RNF213: variants seen among roughly 807,000 people sequenced by gnomAD.
RNF213 encodes E3 ubiquitin-protein ligase RNF213.
RNF213 carries 341 observed loss-of-function variants against 514.4 expected under a neutral mutation model. That is an observed-to-expected ratio of 0.66 (90% CI 0.61 to 0.73). The LOEUF is 0.73. Ranked by LOEUF, RNF213 falls within the 30% of genes least tolerant of loss-of-function variation. The pLI is 0.00. For synonymous variants in RNF213, 2,655 were observed against 2,658.2 expected (o/e 1.00, Z 0.04); for missense variants, 5,767 against 6,615.6 (o/e 0.87, Z 4.45).
At position 80,298,361 on chromosome 17, in the gene RNF213, G is replaced by T. The variant is rs763934975; in HGVS notation, c.2053G>T (p.Asp685Tyr). ...YLVNLCQRCM[D>Y]TRTYTWLGAL... The stretch of plus-strand genomic sequence containing the variant: ...GGTGAACCTGTGCCAAAGATGCATG[G>T]ACACAAGGACGTACACCTGGCTGGG... Residue 685 changes from aspartate to tyrosine, a missense_variant, in exon 11 of 68, where the codon GAC becomes TAC. Physicochemically the swap from Asp to Tyr is radical, Grantham distance 160. Transcript: ENST00000582970. The T allele has an allele frequency of 1.2e-6, 2 of 1,614,112 alleles. No homozygotes were observed. The highest frequency in any genetic ancestry group is 8.5e-7 in the Non-Finnish European group (1 of 1,180,036).
chr17:80,396,740 C>T lies in RNF213; in HGVS notation c.*3242C>T, dbSNP rs1240722366. ...GAAAGTGCATTTCCCCCCCACCCCC[C>T]CCCCCCAACCAGAGCAACTTTGGTC... is the stretch of plus-strand genomic sequence containing the variant. On this transcript the variant is annotated 3_prime_UTR_variant, in exon 68 of 68. Coordinates refer to ENST00000582970, the MANE Select transcript of RNF213 (RefSeq NM_001256071.3). 3 of 105,554 alleles carry T rather than the reference C, an allele frequency of 2.8e-5. No individual in the cohort carries two copies. The highest frequency in any genetic ancestry group is 6.8e-5 in the Non-Finnish European group (3 of 43,924). 6.5% of individuals were successfully genotyped at this position (105,554 alleles called of 1,614,324 possible). A position where few individuals can be genotyped will look rare whatever the true frequency, so the allele number is the denominator to read the frequency against.
In RNF213 at chr17:80,306,851, C is replaced by CA. The variant is rs67070144; in HGVS notation, c.2428-260dup. Among the ~76,000 whole-genome samples the CA allele has an allele frequency of 4.0e-3, 420 of 105,418 alleles. 1 individual carries two copies. Among genetic ancestry groups the CA allele is most frequent in the Middle Eastern group, 0.011 (2 of 176 alleles). The allele number at this position is 105,418 out of a possible 152,430, so 69.2% of individuals were successfully genotyped here. A position where few individuals can be genotyped will look rare whatever the true frequency, so the allele number is the denominator to read the frequency against. ...TGGGTGACAGAGCGAGACTCCATCT[C>CA]AAAAAAAAAAAAAAAAAGAAGGCGT... On this transcript the variant is annotated intron_variant, in intron 12 of 67. Transcript: ENST00000582970.
chr17:80,318,820 G>T (rs756562253), intron 16 of RNF213, among the ~76,000 whole-genome samples: 16 of 152,120 alleles, frequency 1.1e-4, no homozygotes, highest in African/African-American at 3.6e-4. Context: ...TGATCCACCC[G>T]CCTCAGCCTC....
In RNF213 at chr17:80,263,766, G is replaced by GC; in HGVS notation, c.90dup (p.Ile31HisfsTer5). On this transcript the variant is annotated frameshift_variant, in exon 2 of 68. Coordinates refer to ENST00000582970, the MANE Select transcript of RNF213 (RefSeq NM_001256071.3). LOFTEE classifies it high-confidence loss of function. This position sits in a 1 kb window ranked among gnomAD's most constrained non-coding sequence, Gnocchi z 4.9. ...GTGCGGAGAGAGGCTGCCTCCTGCA[G>GC]CCCCCATAGCAGGTGAGGCCCAGGG... 1 of 1,614,016 alleles carries GC rather than the reference G, an allele frequency of 6.2e-7. No individual in the cohort carries two copies. Among genetic ancestry groups the GC allele is most frequent in the East Asian group, 2.2e-5 (1 of 44,884 alleles).
intron 38 of RNF213, 32 bp from the exon 39 acceptor site, chr17:80,361,702 C>T: frequency 6.2e-7 from 1 of 1,610,352 alleles, no homozygotes; most frequent in Non-Finnish European, 8.5e-7. Context: ...CTTAGACGCA[C>T]TCCAGGCCGC....
Position 80,378,880 on chromosome 17 carries a change from TAAA to T in RNF213, c.13546-736_13546-734del, listed in dbSNP as rs1182167729. On this transcript the variant is annotated intron_variant, in intron 54 of 67. Transcript: ENST00000582970. ...GATTATGTGATTAGATTTTTTTAAA[TAAA>T]AAAGTCCAAGCCAGGTGTGGTAGGT... 3.3e-5 allele frequency among the ~76,000 whole-genome samples: 5 copies of T among 152,190 alleles called. No homozygotes were observed. In the East Asian group the frequency reaches 9.7e-4, roughly 29 times the overall value.
chr17:80,343,827 T>A lies in RNF213; in HGVS notation c.6184-30T>A. 6.2e-7 allele frequency: 1 copy of A among 1,613,640 alleles called. No individual in the cohort carries two copies. ...TGGGAGAACTCGCCATCGTGTCGTG[T>A]GTTTACACCTCGTGCGATTCTGTTC... On this transcript the variant is annotated intron_variant, in intron 27 of 67. Transcript: ENST00000582970. The surrounding 1 kb of genome is among the most constrained non-coding windows in gnomAD (Gnocchi z 4.3).
At position 80,260,867 on chromosome 17, in the gene RNF213, A is replaced by C. The variant is rs1032632475; in HGVS notation, c.-144A>C. ...CCAGGGCCCCGTGACCCGAGGGGCGACAGCGCGCGGCAGGCGGCGAGCTCG... is the reference window on the plus strand; with the variant it reads ...CCAGGGCCCCGTGACCCGAGGGGCGCCAGCGCGCGGCAGGCGGCGAGCTCG... On this transcript the variant is annotated 5_prime_UTR_variant, in exon 1 of 68. Coordinates refer to ENST00000582970, the MANE Select transcript of RNF213 (RefSeq NM_001256071.3). The C allele has an allele frequency of 6.7e-6, 1 of 148,628 alleles. No individual in the cohort carries two copies. Among genetic ancestry groups the C allele is most frequent in the African/African-American group, 2.5e-5 (1 of 40,646 alleles). 9.2% of individuals were successfully genotyped at this position (148,628 alleles called of 1,614,324 possible).
At chr17:80,315,254 C>CTAGAGGTGATGGTGGTCGTGGAG (rs2045835060) in intron 15 of RNF213, among the ~76,000 whole-genome samples, 1 of 4,246 alleles carries the variant, frequency 2.4e-4, no homozygotes. Flanking sequence ...TGGTGGTGGA[C>CTAGAGGTGATGGTGGTCGTGGAG]GTGATGGTGG....
At chr17:80,333,224 G>T (rs548129127) in intron 21 of RNF213, among the ~76,000 whole-genome samples, 22 of 91,284 alleles carry the variant, frequency 2.4e-4, no homozygotes, top group Middle Eastern at 6.1e-3. Context: ...AATTTTTTTG[G>T]TATTTTTTTT....
At position 80,332,509 on chromosome 17, in the gene RNF213, G is replaced by A. The variant is rs573642434; in HGVS notation, c.4021G>A (p.Glu1341Lys). The A allele has an allele frequency of 1.3e-6, 2 of 1,537,066 alleles. No homozygotes were observed. Among genetic ancestry groups the A allele is most frequent in the South Asian group, 1.2e-5 (1 of 84,046 alleles). The change falls in exon 21 of 68, where the codon GAA (glutamate) becomes AAA (lysine). Residue 1341 changes from glutamate (E) to lysine (K), a missense_variant. By Grantham distance (56) the Glu-to-Lys change is moderately conservative. Around this residue, in one of 13 missense-constraint regions of RNF213, gnomAD observed 516 missense variants for 566.5 expected, o/e 0.91. Coordinates refer to ENST00000582970, the MANE Select transcript of RNF213 (RefSeq NM_001256071.3). ...DQRDWIKDRV[E>K]QIKEYHHLHQ... ...AAGAGATTGGATCAAGGACCGAGTCGAACAGATCAAGGAATACCATCACCT... is the reference window on the plus strand; with the variant it reads ...AAGAGATTGGATCAAGGACCGAGTCAAACAGATCAAGGAATACCATCACCT...
At chr17:80,342,892 G>A (rs561994916) in intron 26 of RNF213, among the ~76,000 whole-genome samples, 16 of 151,566 alleles carry the variant, frequency 1.1e-4, no homozygotes, top group African/African-American at 3.6e-4. Context: ...TACAACCTCC[G>A]CCTCCCGGGT....
At position 80,351,735 on chromosome 17, in the gene RNF213, T is replaced by C; in HGVS notation, c.10235T>C (p.Ile3412Thr). ...AAAATACGAGAAAATGAGGACCGTATCTTCGTCTATTTCATCACAAAACTG... is the reference window on the plus strand; with the variant it reads ...AAAATACGAGAAAATGAGGACCGTACCTTCGTCTATTTCATCACAAAACTG... ...INKIRENEDR[I>T]FVYFITKLSR... The change falls in exon 32 of 68, where the codon ATC (isoleucine) becomes ACC (threonine). Residue 3412 changes from isoleucine (I) to threonine (T), a missense_variant. By Grantham distance (89) the Ile-to-Thr change is moderately conservative. Around this residue, in one of 13 missense-constraint regions of RNF213, gnomAD observed 919 missense variants for 1,121.0 expected, o/e 0.82. Coordinates refer to ENST00000582970, the MANE Select transcript of RNF213 (RefSeq NM_001256071.3). The C allele has an allele frequency of 6.2e-7, 1 of 1,613,180 alleles. No individual in the cohort carries two copies.
intron 55 of RNF213, among the ~76,000 whole-genome samples, chr17:80,380,441 T>C (rs551134643): frequency 2.0e-5 from 3 of 152,306 alleles, no homozygotes; most frequent in African/African-American, 4.8e-5. Context: ...GTTTTTCCTT[T>C]GGGGAGATGA....
intron 36 of RNF213, among the ~76,000 whole-genome samples, chr17:80,355,684 C>T (rs148421129): frequency 7.3e-4 from 17 of 23,444 alleles, no homozygotes; most frequent in African/African-American, 1.1e-3. Flanking sequence ...GGGGAAGAAG[C>T]GGGGTGACCG....
intron 25 of RNF213, 76 bp downstream of exon 25, chr17:80,338,073 A>T: frequency 3.3e-6 from 5 of 1,502,232 alleles, no homozygotes; most frequent in Non-Finnish European, 4.5e-6. Flanking sequence ...TCCCAAGAAA[A>T]CGGAAAGGAT....
intron 32 of RNF213, chr17:80,352,397 C>T (rs556014794): frequency 1.7e-5 from 5 of 288,872 alleles, no homozygotes; most frequent in African/African-American, 2.1e-5. Flanking sequence ...TGGAGACTCC[C>T]GACTCCCGAC....
rs751276220 is a variant in RNF213 at position 80,344,797 on chromosome 17, G to A, written c.6462G>A (p.Met2154Ile). The change falls in exon 29 of 68, where the codon ATG (methionine) becomes ATA (isoleucine). Residue 2154 changes from methionine to isoleucine, a missense_variant. Physicochemically the swap from Met to Ile is conservative, Grantham distance 10 (BLOSUM62 1). This residue lies in a region of RNF213 where 1,377 missense variants were observed against 1,635.2 expected (regional missense o/e 0.84). Transcript: ENST00000582970. ...SALRSDTEPG[M>I]DLWEFCSETF... ...TGAGGAGTGACACAGAGCCTGGGAT[G>A]GATCTGTGGGAGTTCTGCAGCGAAA... The A allele has an allele frequency of 6.2e-7, 1 of 1,614,148 alleles. No homozygotes were observed.
intron 50 of RNF213, chr17:80,374,916 T>C (rs1265849145): frequency 1.4e-5 from 5 of 362,282 alleles, no homozygotes; most frequent in Admixed American, 3.8e-5. Context: ...CTAAGAAAGA[T>C]GCTGACACAA....
Sources: allele counts gnomAD v4.1 joint callset (sites outside exome capture counted in the v4.1 genomes callset), GRCh38; gene constraint gnomAD v4.1.1; regional missense constraint gnomAD v4.1.1; non-coding constraint Gnocchi (gnomAD v3.1); transcripts MANE v1.5; gene names NCBI Gene and HGNC (gene_info 2026-07-23, HGNC 2026-07-21).